Variants in ZBTB8A observed in about 807,000 individuals in gnomAD.
The protein encoded by ZBTB8A is zinc finger and BTB domain-containing protein 8A.
ZBTB8A carries 19 observed loss-of-function variants against 37.8 expected under a neutral mutation model. The ratio of observed to expected loss-of-function variants is 0.50; its 90% confidence interval spans 0.35 to 0.74. The LOEUF (loss-of-function observed/expected upper bound fraction) is 0.74. Among genes scored for constraint, ZBTB8A ranks in the 30% least tolerant of loss-of-function variants. The pLI is 0.01. For missense variants in ZBTB8A, 394 were observed against 537.8 expected (o/e 0.73, Z 2.65); for synonymous variants, 181 against 185.2 (o/e 0.98, Z 0.19).
chr1:32,594,610 A>T (rs1644515572), intron 3 of ZBTB8A, among the ~76,000 whole-genome samples: 2 of 152,076 alleles, frequency 1.3e-5, no homozygotes, highest in Admixed American at 1.3e-4. Flanking sequence ...AAAATACAAA[A>T]ATTAGCTGGG....
chr1:32,581,213 T>TA lies in ZBTB8A; in HGVS notation c.-1-11717dup, dbSNP rs1557712697. Among the ~76,000 whole-genome samples, 10 of 588 alleles carry TA rather than the reference T, an allele frequency of 0.017. No individual in the cohort carries two copies. The East Asian group carries it at 0.18, about 11-fold the overall frequency. 0.4% of individuals were successfully genotyped at this position (588 alleles called of 152,430 possible). On this transcript the variant is annotated intron_variant, in intron 2 of 4. Transcript: ENST00000373510. ...TATAAATATGTTATATTATATATTA[T>TA]ATATAATATAATATAATATATTATA... is the stretch of plus-strand genomic sequence containing the variant.
intron 1 of ZBTB8A, among the ~76,000 whole-genome samples, chr1:32,552,001 A>G (rs576717374): frequency 1.3e-4 from 20 of 152,094 alleles, no homozygotes; most frequent in Non-Finnish European, 2.5e-4. Flanking sequence ...AGGACTTACT[A>G]TCTTGGTATC....
At chr1:32,545,426 A>C (rs771843892) in intron 1 of ZBTB8A, among the ~76,000 whole-genome samples, 5 of 152,172 alleles carry the variant, frequency 3.3e-5, no homozygotes, top group Non-Finnish European at 7.3e-5. Context: ...TCCTCTTAAC[A>C]GACTTCCTTA....
intron 2 of ZBTB8A, among the ~76,000 whole-genome samples, chr1:32,582,262 G>A (rs1644412584): frequency 6.6e-6 from 1 of 151,902 alleles, no homozygotes; most frequent in Non-Finnish European, 1.5e-5. Flanking sequence ...TTTCCAATTA[G>A]GGATGCTGAA....
rs558720326 is a variant in ZBTB8A, at chr1:32,600,274, A to C, written c.1181A>C (p.Asp394Ala). Residue 394 changes from aspartate to alanine, a missense_variant, in exon 5 of 5, where the codon GAT (aspartate) becomes GCT (alanine). Coordinates refer to ENST00000373510, the MANE Select transcript of ZBTB8A (RefSeq NM_001040441.3). ...EQHLMSPSDG[D>A]KDSRWHLSED... ...CATCTTATGTCCCCATCAGATGGAG[A>C]TAAGGATTCCAGATGGCACTTGAGT... 1.2e-6 allele frequency: 2 copies of C among 1,614,080 alleles called. No homozygotes were observed. The highest frequency in any genetic ancestry group is 1.7e-6 in the Non-Finnish European group (2 of 1,180,036).
chr1:32,539,698 CGCG>C (rs1264307919), intron 1 of ZBTB8A, 126 bp downstream of exon 1: 3 of 147,202 alleles, frequency 2.0e-5, no homozygotes, highest in Non-Finnish European at 4.6e-5. Context: ...GGGCCCCGGG[CGCG>C]CCTCCCCCAG....
intron 2 of ZBTB8A, among the ~76,000 whole-genome samples, chr1:32,553,862 G>A (rs1353113218): frequency 5.6e-5 from 8 of 143,658 alleles, no homozygotes; most frequent in Non-Finnish European, 1.2e-4. Flanking sequence ...CTCCAGCCTG[G>A]GCAACAAGAG....
intron 2 of ZBTB8A, among the ~76,000 whole-genome samples, chr1:32,557,846 G>A (rs939802755): frequency 6.6e-6 from 1 of 152,086 alleles, no homozygotes; most frequent in South Asian, 2.1e-4. Context: ...TTTATCTCCA[G>A]CCTAGATTTC....
chr1:32,595,468 C>G (rs1296541670), intron 4 of ZBTB8A, among the ~76,000 whole-genome samples: 1 of 151,716 alleles, frequency 6.6e-6, no homozygotes, highest in Non-Finnish European at 1.5e-5. Flanking sequence ...GGTTTCACCA[C>G]ATTGGCCTGG....
rs1644600066 is a variant in ZBTB8A, at chr1:32,604,452, C to G, written c.*4033C>G. The G allele has an allele frequency of 6.6e-6, 1 of 152,114 alleles. No homozygotes were observed. The highest frequency in any genetic ancestry group is 2.4e-5 in the African/African-American group (1 of 41,420). 9.4% of individuals were successfully genotyped at this position (152,114 alleles called of 1,614,324 possible). A position where few individuals can be genotyped will look rare whatever the true frequency, so the allele number is the denominator to read the frequency against. On this transcript the variant is annotated 3_prime_UTR_variant, in exon 5 of 5. Coordinates refer to ENST00000373510, the MANE Select transcript of ZBTB8A (RefSeq NM_001040441.3). Reference sequence around the variant, plus strand: ...GACAACTTCCTGAATTCCCTTTGAGCCTTGCAGCCTCATTTCGTTACTCCT... The same window carrying G: ...GACAACTTCCTGAATTCCCTTTGAGGCTTGCAGCCTCATTTCGTTACTCCT...
intron 1 of ZBTB8A, among the ~76,000 whole-genome samples, chr1:32,549,270 G>A (rs919293159): frequency 6.6e-6 from 1 of 152,272 alleles, no homozygotes; most frequent in African/African-American, 2.4e-5. Flanking sequence ...GAGGCGGGCG[G>A]ATCACCTGAG....
intron 1 of ZBTB8A, among the ~76,000 whole-genome samples, chr1:32,552,634 C>T (rs1346998051): frequency 2.0e-5 from 3 of 151,998 alleles, no homozygotes; most frequent in Non-Finnish European, 4.4e-5. Context: ...CCATTTCACT[C>T]CAGCCTGGGC....
chr1:32,572,707 A>G (rs778816411), intron 2 of ZBTB8A, among the ~76,000 whole-genome samples: 11 of 152,040 alleles, frequency 7.2e-5, no homozygotes, highest in Non-Finnish European at 1.3e-4. Context: ...TCTTATACTA[A>G]TTTTGATCAC....
At chr1:32,591,569 A>G (rs1454871179) in intron 2 of ZBTB8A, among the ~76,000 whole-genome samples, 1 of 152,000 alleles carries the variant, frequency 6.6e-6, no homozygotes, top group Admixed American at 6.6e-5. Flanking sequence ...AACAACATGA[A>G]GGCAAAAATC....
intron 2 of ZBTB8A, among the ~76,000 whole-genome samples, chr1:32,577,701 C>T (rs1644373673): frequency 6.7e-6 from 1 of 149,974 alleles, no homozygotes; most frequent in South Asian, 2.1e-4. Flanking sequence ...CATGCCCTAG[C>T]CTCCCGAGTA....
intron 2 of ZBTB8A, among the ~76,000 whole-genome samples, chr1:32,588,435 G>A (rs551023955): frequency 1.3e-5 from 2 of 152,140 alleles, no homozygotes; most frequent in South Asian, 2.1e-4. Flanking sequence ...CCTAGGGAAT[G>A]ATATAGGTAG....
chr1:32,551,154 A>G (rs1644152407), intron 1 of ZBTB8A, among the ~76,000 whole-genome samples: 1 of 152,128 alleles, frequency 6.6e-6, no homozygotes, highest in African/African-American at 2.4e-5. Context: ...CTCAAAAATT[A>G]TTAATTTTGG....
At chr1:32,592,873 CAAAAT>C in intron 2 of ZBTB8A, 53 bp from the exon 3 acceptor site, 1 of 1,410,704 alleles carries the variant, frequency 7.1e-7, no homozygotes, top group Non-Finnish European at 9.6e-7. Context: ...TGTCTCAAAA[CAAAAT>C]AAAATAATTG....
At chr1:32,548,850 G>A (rs1207898562) in intron 1 of ZBTB8A, among the ~76,000 whole-genome samples, 1 of 152,038 alleles carries the variant, frequency 6.6e-6, no homozygotes, top group Non-Finnish European at 1.5e-5. Context: ...TAAGCTATAG[G>A]TATTATTATT....
Sources: gnomAD v4.1 joint callset for allele counts (sites outside exome capture counted in the v4.1 genomes callset) on GRCh38, gnomAD v4.1.1 for gene constraint, MANE v1.5 for transcripts, NCBI Gene and HGNC (gene_info 2026-07-23, HGNC 2026-07-21) for gene names.